The following ZNF765 variants were observed in gnomAD, a reference collection of about 807,000 sequenced individuals.
The protein encoded by ZNF765 is zinc finger protein 765.
ZNF765 carries 37 observed loss-of-function variants against 44.7 expected under a neutral mutation model. The ratio of observed to expected loss-of-function variants is 0.83; its 90% CI spans 0.64 to 1.09. The LOEUF (loss-of-function observed/expected upper bound fraction) is 1.09. Ranked by LOEUF, ZNF765 falls within the 50% of genes least tolerant of loss-of-function variation. ZNF765 has a pLI of 0.00. For synonymous variants in ZNF765, 201 were observed against 213.7 expected (o/e 0.94, Z 0.52); for missense variants, 594 against 626.1 (o/e 0.95, Z 0.55).
In ZNF765 at chr19:53,410,236, C is replaced by A. The variant is rs1348524649; in HGVS notation, c.*1109C>A. ...AAAGCTTGCACATCATCATAGAATT[C>A]ATACTGGAGATAAACGTTACAAATG... On this transcript the variant is annotated 3_prime_UTR_variant, in exon 4 of 4. Transcript: ENST00000396408. 6 of 361,730 alleles carry A rather than the reference C, an allele frequency of 1.7e-5. No individual in the cohort carries two copies. Among genetic ancestry groups the A allele is most frequent in the South Asian group, 4.7e-5 (2 of 42,584 alleles). 22.4% of individuals were successfully genotyped at this position (361,730 alleles called of 1,614,324 possible).
Position 53,402,820 on chromosome 19 carries a change from G to A in ZNF765, c.142+629G>A, listed in dbSNP as rs116567342. On this transcript the variant is annotated intron_variant, in intron 3 of 3. Transcript: ENST00000396408. ...CTCCAGAGATCCTCCTTAGTCTCCCGAGTAGCTGGGATTACAGGTGCCAAA... is the reference window on the plus strand; with the variant it reads ...CTCCAGAGATCCTCCTTAGTCTCCCAAGTAGCTGGGATTACAGGTGCCAAA... Among the ~76,000 whole-genome samples the A allele has an allele frequency of 8.1e-3, 1,234 of 152,112 alleles. 14 individuals carry two copies. The highest frequency in any genetic ancestry group is 0.028 in the African/African-American group (1,160 of 41,490).
At chr19:53,418,272 G>A (rs1194781465) in intron 3 of ZNF765, among the ~76,000 whole-genome samples, 1 of 152,070 alleles carries the variant, frequency 6.6e-6, no homozygotes, top group East Asian at 1.9e-4. Context: ...GTGGTGGCGG[G>A]TGCCTGTAGT....
chr19:53,424,892 G>A (rs2085929790), exon 4 of ZNF765: 1 of 152,224 alleles, frequency 6.6e-6, no homozygotes, highest in Admixed American at 6.6e-5. Context: ...TCAAACTCTT[G>A]ACCTCAGGTG....
Position 53,408,381 on chromosome 19 carries a change from T to G in ZNF765, c.826T>G (p.Cys276Gly). Residue 276 changes from cysteine (C) to glycine (G), a missense_variant, in exon 4 of 4, where the codon TGT becomes GGT. Cys to Gly is a radical substitution (Grantham distance 159). Around this residue, in one of 2 missense-constraint regions of ZNF765, gnomAD observed 567 missense variants for 572.6 expected, o/e 0.99. Transcript: ENST00000396408. Reference protein sequence around the residue: ...TGEKPYKCNECGKTFSQTYYL... With the variant: ...TGEKPYKCNEGGKTFSQTYYL... ...TGAGAAACCTTACAAGTGTAATGAG[T>G]GTGGCAAGACCTTCAGTCAGACATA... The G allele has an allele frequency of 6.2e-7, 1 of 1,614,172 alleles. No homozygotes were observed. Among genetic ancestry groups the G allele is most frequent in the Non-Finnish European group, 8.5e-7 (1 of 1,179,998 alleles).
At chr19:53,398,065 C>G in intron 2 of ZNF765, 35 bp downstream of exon 2, 1 of 1,613,774 alleles carries the variant, frequency 6.2e-7, no homozygotes, top group Non-Finnish European at 8.5e-7. Context: ...GTTCTGTCTC[C>G]TTCTTTTCAG....
downstream of ZNF765, among the ~76,000 whole-genome samples, chr19:53,415,548 AT>A (rs2085869897): frequency 7.1e-6 from 1 of 141,816 alleles, no homozygotes; most frequent in Non-Finnish European, 1.5e-5. Context: ...TAAATATTTT[AT>A]TACGTTTGTT....
intron 2 of ZNF765, among the ~76,000 whole-genome samples, chr19:53,399,084 T>G (rs1263338726): frequency 6.6e-6 from 1 of 151,748 alleles, no homozygotes; most frequent in Admixed American, 6.6e-5. Context: ...ATTTTTCTTT[T>G]TTTTAAAATT....
intron 3 of ZNF765, 142 bp downstream of exon 3, chr19:53,402,333 G>A (rs1490212079): frequency 1.5e-5 from 21 of 1,410,496 alleles, no homozygotes; most frequent in East Asian, 1.4e-4. Context: ...CTCGGCTCAC[G>A]GCCAGCTCCG....
chr19:53,410,447 T>G lies in ZNF765; in HGVS notation c.*1320T>G. On this transcript the variant is annotated 3_prime_UTR_variant, in exon 4 of 4. Coordinates refer to ENST00000396408, the MANE Select transcript of ZNF765 (RefSeq NM_001040185.3). ...AAATGTAAGAGTTTGTGACAAGGCT[T>G]TCAGGCATAATTCGCACCTGGCACA... 1 of 353,356 alleles carries G rather than the reference T, an allele frequency of 2.8e-6. No homozygotes were observed. The highest frequency in any genetic ancestry group is 5.7e-6 in the Non-Finnish European group (1 of 174,506). The allele number at this position is 353,356 out of a possible 1,614,324, so 21.9% of individuals were successfully genotyped here. A position where few individuals can be genotyped will look rare whatever the true frequency, so the allele number is the denominator to read the frequency against.
At chr19:53,413,005 A>G (rs1359235498), downstream of ZNF765, among the ~76,000 whole-genome samples, 2 of 152,122 alleles carry the variant, frequency 1.3e-5, no homozygotes, top group Non-Finnish European at 2.9e-5. Context: ...AGTTACTGGG[A>G]AGGCTGAAGC....
In ZNF765 at chr19:53,423,297, G is replaced by A. The variant is rs140691818; in HGVS notation, c.*195G>A. 2.7e-3 allele frequency: 1,744 copies of A among 650,316 alleles called. 8 individuals carry two copies. Among genetic ancestry groups the A allele is most frequent in the African/African-American group, 0.012 (617 of 51,810 alleles). 40.3% of individuals were successfully genotyped at this position (650,316 alleles called of 1,614,324 possible). A position where few individuals can be genotyped will look rare whatever the true frequency, so the allele number is the denominator to read the frequency against. ...GACAAAAGATCTGGGATACTGTTCT[G>A]CTGCTGATCACGAGGGCACCAGAGA... On this transcript the variant is annotated 3_prime_UTR_variant, in exon 4 of 4. Coordinates refer to the ZNF765 transcript ENST00000594030.
chr19:53,410,056 T>A lies in ZNF765; in HGVS notation c.*929T>A. 1 of 466,972 alleles carries A rather than the reference T, an allele frequency of 2.1e-6. No individual in the cohort carries two copies. Among genetic ancestry groups the A allele is most frequent in the Non-Finnish European group, 4.4e-6 (1 of 229,574 alleles). The allele number at this position is 466,972 out of a possible 1,614,324, so 28.9% of individuals were successfully genotyped here. A position where few individuals can be genotyped will look rare whatever the true frequency, so the allele number is the denominator to read the frequency against. On this transcript the variant is annotated 3_prime_UTR_variant, in exon 4 of 4. Transcript: ENST00000396408. ...ATTTTTCAGACATCCTTCATACCTT[T>A]GCAGTTCATGGGTGAAGTCGTATTA...
intron 3 of ZNF765, among the ~76,000 whole-genome samples, chr19:53,406,426 T>C (rs1322370430): frequency 6.6e-6 from 1 of 152,172 alleles, no homozygotes; most frequent in Admixed American, 6.5e-5. Flanking sequence ...TTATATTGTC[T>C]GCTGGTGGCA....
At chr19:53,420,175 T>C (rs2085898904) in intron 3 of ZNF765, among the ~76,000 whole-genome samples, 2 of 151,644 alleles carry the variant, frequency 1.3e-5, no homozygotes, top group African/African-American at 4.8e-5. Context: ...CTACTAAAAA[T>C]ACAAAAATTA....
intron 2 of ZNF765, among the ~76,000 whole-genome samples, chr19:53,401,668 G>A (rs1372462249): frequency 2.0e-5 from 3 of 152,152 alleles, no homozygotes; most frequent in Non-Finnish European, 2.9e-5. Flanking sequence ...AGGAGGTCAG[G>A]AGTTTGAGAC....
At chr19:53,397,071 A>G (rs923771569) in intron 1 of ZNF765, among the ~76,000 whole-genome samples, 1 of 152,274 alleles carries the variant, frequency 6.6e-6, no homozygotes, top group African/African-American at 2.4e-5. Context: ...GAGGAAAACC[A>G]GCCTCTAAAG....
chr19:53,395,167 C>G lies in ZNF765; in HGVS notation c.-100C>G, dbSNP rs1221814184. 1.3e-5 allele frequency: 2 copies of G among 152,450 alleles called. No homozygotes were observed. Among genetic ancestry groups the G allele is most frequent in the Non-Finnish European group, 2.9e-5 (2 of 68,232 alleles). 9.4% of individuals were successfully genotyped at this position (152,450 alleles called of 1,614,324 possible). On this transcript the variant is annotated 5_prime_UTR_variant, in exon 1 of 4. Coordinates refer to ENST00000396408, the MANE Select transcript of ZNF765 (RefSeq NM_001040185.3). Reference sequence around the variant, plus strand: ...TTCGCGCAGACCCGGAAGCGGACGGCGTGGAGTGACTATCCCACCGCCGCG... The same window carrying G: ...TTCGCGCAGACCCGGAAGCGGACGGGGTGGAGTGACTATCCCACCGCCGCG...
At chr19:53,421,772 C>T (rs959644029) in intron 3 of ZNF765, among the ~76,000 whole-genome samples, 3 of 152,178 alleles carry the variant, frequency 2.0e-5, no homozygotes, top group Admixed American at 6.5e-5. Flanking sequence ...CCTTTGCCTC[C>T]CAAAGTGCTG....
exon 4 of ZNF765, chr19:53,426,473 T>C (rs953593193): frequency 1.3e-5 from 2 of 152,002 alleles, no homozygotes; most frequent in Non-Finnish European, 2.9e-5. Flanking sequence ...CAGAGGGTTT[T>C]TGTTTCTTTT....
Sources: allele counts gnomAD v4.1 joint callset (sites outside exome capture counted in the v4.1 genomes callset), GRCh38; gene constraint gnomAD v4.1.1; regional missense constraint gnomAD v4.1.1; transcripts MANE v1.5; gene names NCBI Gene and HGNC (gene_info 2026-07-23, HGNC 2026-07-21).